Variants in CCDC60 observed in about 807,000 individuals in gnomAD.
CCDC60 encodes coiled-coil domain-containing protein 60.
CCDC60 carries 54 observed loss-of-function variants against 63.5 expected under a neutral mutation model. That is an observed-to-expected ratio of 0.85 (90% CI 0.68 to 1.07). CCDC60 has a LOEUF of 1.07. Among genes scored for constraint, CCDC60 ranks in the 50% least tolerant of loss-of-function variants. The pLI is 0.00. For missense variants in CCDC60, 651 were observed against 684.3 expected (o/e 0.95, Z 0.54); for synonymous variants, 206 against 238.8 (o/e 0.86, Z 1.27).
At chr12:119,475,149 A>G (rs965809469) in intron 3 of CCDC60, among the ~76,000 whole-genome samples, 2 of 152,240 alleles carry the variant, frequency 1.3e-5, no homozygotes, top group Admixed American at 6.5e-5. Flanking sequence ...TGGCACCCAT[A>G]GATTCTGATA....
At chr12:119,396,996 T>C (rs1487816237) in intron 1 of CCDC60, among the ~76,000 whole-genome samples, 2 of 152,246 alleles carry the variant, frequency 1.3e-5, no homozygotes, top group Non-Finnish European at 2.9e-5. Flanking sequence ...AGTGGGTTCG[T>C]GGTCTCGCTG....
chr12:119,516,088 TTTTA>T (rs1267602783), intron 7 of CCDC60, among the ~76,000 whole-genome samples: 1 of 152,084 alleles, frequency 6.6e-6, no homozygotes, highest in African/African-American at 2.4e-5. Context: ...TTTATTTATG[TTTTA>T]TTTTTTATTT....
chr12:119,466,063 C>T (rs1950948770), intron 2 of CCDC60, among the ~76,000 whole-genome samples: 1 of 152,212 alleles, frequency 6.6e-6, no homozygotes, highest in Non-Finnish European at 1.5e-5. Context: ...GTTGTTCCTG[C>T]TACTGGAATA....
chr12:119,380,230 A>C lies in CCDC60; in HGVS notation c.90+44964A>C, dbSNP rs532233465. On this transcript the variant is annotated intron_variant, in intron 1 of 13. Transcript: ENST00000327554. ...CAACCACAGTTGGGTGGGAACAGTCATGTGTGCTAGAAGCAGCTCATACTG... is the reference window on the plus strand; with the variant it reads ...CAACCACAGTTGGGTGGGAACAGTCCTGTGTGCTAGAAGCAGCTCATACTG... Among the ~76,000 whole-genome samples, 45 of 152,332 alleles carry C rather than the reference A, an allele frequency of 3.0e-4. No homozygotes were observed. The South Asian group carries it at 5.8e-3, about 20-fold the overall frequency.
chr12:119,414,629 C>G (rs1051999152), intron 1 of CCDC60, among the ~76,000 whole-genome samples: 21 of 152,262 alleles, frequency 1.4e-4, no homozygotes, highest in African/African-American at 5.1e-4. Flanking sequence ...TAGCTCACCA[C>G]AACCTCAAAC....
At chr12:119,491,811 C>T (rs1368568995) in intron 5 of CCDC60, among the ~76,000 whole-genome samples, 1 of 151,970 alleles carries the variant, frequency 6.6e-6, no homozygotes, top group Non-Finnish European at 1.5e-5. Flanking sequence ...AACAAACCAC[C>T]AACAGCAACA....
chr12:119,441,297 A>G (rs1950439920), intron 2 of CCDC60, among the ~76,000 whole-genome samples: 1 of 152,236 alleles, frequency 6.6e-6, no homozygotes, highest in Admixed American at 6.5e-5. Context: ...AAGCCATTAC[A>G]CTAATGGATG....
chr12:119,411,944 T>C (rs965784234), intron 1 of CCDC60, among the ~76,000 whole-genome samples: 1 of 152,164 alleles, frequency 6.6e-6, no homozygotes, highest in Non-Finnish European at 1.5e-5. Context: ...GTTAAGTGTC[T>C]CCTACTAGAC....
chr12:119,520,341 C>T, intron 9 of CCDC60, 149 bp downstream of exon 9: 1 of 643,646 alleles, frequency 1.6e-6, no homozygotes, highest in East Asian at 2.7e-5. Flanking sequence ...GAAACAAGCC[C>T]CTTTACTGCA....
intron 1 of CCDC60, among the ~76,000 whole-genome samples, chr12:119,423,129 T>C (rs1003942317): frequency 6.6e-6 from 1 of 151,974 alleles, no homozygotes; most frequent in African/African-American, 2.4e-5. Flanking sequence ...TCTGGAGAAA[T>C]TTGGAGAAGT....
chr12:119,523,676 C>T lies in CCDC60; in HGVS notation c.1104-17C>T. On this transcript the variant is annotated splice_polypyrimidine_tract_variant and intron_variant, in intron 10 of 13. Coordinates refer to ENST00000327554, the MANE Select transcript of CCDC60 (RefSeq NM_178499.5). ...CCTGGGCTCCATTCCCCAAGCCCTT[C>T]TTATCTGTGTCCACAGCCGCACTAA... is the stretch of plus-strand genomic sequence containing the variant. 6 of 1,613,660 alleles carry T rather than the reference C, an allele frequency of 3.7e-6. No homozygotes were observed. Among genetic ancestry groups the T allele is most frequent in the Non-Finnish European group, 5.1e-6 (6 of 1,179,758 alleles).
chr12:119,488,254 GAGA>G (rs1281247077), intron 4 of CCDC60, among the ~76,000 whole-genome samples: 1 of 152,144 alleles, frequency 6.6e-6, no homozygotes, highest in Non-Finnish European at 1.5e-5. Context: ...AATCTGGGGG[GAGA>G]AGAACAATTA....
intron 9 of CCDC60, among the ~76,000 whole-genome samples, chr12:119,522,129 T>TC (rs796892916): frequency 3.1e-4 from 47 of 152,234 alleles, no homozygotes; most frequent in African/African-American, 9.6e-4. Flanking sequence ...TACCACTCCC[T>TC]CCCTCAGAGC....
At chr12:119,439,533 C>T (rs559996363) in intron 2 of CCDC60, among the ~76,000 whole-genome samples, 2 of 152,296 alleles carry the variant, frequency 1.3e-5, no homozygotes, top group South Asian at 4.2e-4. Context: ...CAATGCTGAC[C>T]TCTGTTCTCC....
chr12:119,440,517 G>A (rs1449504291), intron 2 of CCDC60, among the ~76,000 whole-genome samples: 1 of 152,128 alleles, frequency 6.6e-6, no homozygotes, highest in African/African-American at 2.4e-5. Context: ...GTGACAGAGT[G>A]AGACTCCATC....
intron 1 of CCDC60, among the ~76,000 whole-genome samples, chr12:119,336,016 T>G (rs1228239230): frequency 2.0e-5 from 3 of 146,870 alleles, no homozygotes; most frequent in African/African-American, 7.6e-5. Flanking sequence ...ACACCGCATA[T>G]TCTCACTCAT....
At chr12:119,359,742 A>C (rs1303025619) in intron 1 of CCDC60, among the ~76,000 whole-genome samples, 1 of 152,072 alleles carries the variant, frequency 6.6e-6, no homozygotes, top group Non-Finnish European at 1.5e-5. Context: ...ACTCTTAATG[A>C]GCATGCTGCC....
intron 7 of CCDC60, among the ~76,000 whole-genome samples, chr12:119,507,605 TATATATATA>T (rs1566050785): frequency 3.1e-4 from 10 of 32,534 alleles, no homozygotes; most frequent in East Asian, 1.4e-3. Flanking sequence ...TATATATATA[TATATATATA>T]TTTTTTTTTT....
At chr12:119,463,832 T>C (rs1422184774) in intron 2 of CCDC60, among the ~76,000 whole-genome samples, 1 of 152,186 alleles carries the variant, frequency 6.6e-6, no homozygotes, top group Non-Finnish European at 1.5e-5. Flanking sequence ...AGCTTCTTAA[T>C]TCAAATGGTA....
Sources: allele counts gnomAD v4.1 joint callset (sites outside exome capture counted in the v4.1 genomes callset), GRCh38; gene constraint gnomAD v4.1.1; transcripts MANE v1.5; gene names NCBI Gene and HGNC (gene_info 2026-07-23, HGNC 2026-07-21).